The following CALCRL variants were observed in gnomAD, a reference collection of about 807,000 sequenced individuals.
CALCRL encodes calcitonin gene-related peptide type 1 receptor.
Under a neutral mutation model 60.4 loss-of-function variants are expected in CALCRL, and 27 were observed. The ratio of observed to expected loss-of-function variants is 0.45; its 90% CI spans 0.33 to 0.62. The LOEUF (loss-of-function observed/expected upper bound fraction) is 0.62. CALCRL is among the 20% of genes least tolerant of loss of function. CALCRL has a pLI of 0.03. For synonymous variants in CALCRL, 190 were observed against 182.6 expected, an observed-to-expected ratio of 1.04 and a Z score of -0.33; for missense variants, 424 against 540.7, an observed-to-expected ratio of 0.78 and a Z score of 2.14.
At chr2:187,445,639 T>A (rs1410113877) in intron 1 of CALCRL, among the ~76,000 whole-genome samples, 1 of 151,600 alleles carries the variant, frequency 6.6e-6, no homozygotes, top group Non-Finnish European at 1.5e-5. Context: ...AGTGTTTATG[T>A]GTTTATCAAA....
chr2:187,363,277 A>C (rs1267414992), intron 9 of CALCRL, 99 bp downstream of exon 9: 1 of 1,136,872 alleles, frequency 8.8e-7, no homozygotes, highest in Non-Finnish European at 1.2e-6. Context: ...GAAAATATAC[A>C]TATATGTGTA....
rs1370908609 is a variant in CALCRL at position 187,375,260 on chromosome 2, C to G, written c.500+3680G>C. Among the ~76,000 whole-genome samples, 3 of 114,668 alleles carry G rather than the reference C, an allele frequency of 2.6e-5. No homozygotes were observed. The East Asian group carries it at 7.4e-4, about 28-fold the overall frequency. The allele number at this position is 114,668 out of a possible 152,430, so 75.2% of individuals were successfully genotyped here. ...GCAGTCCGCAGTCCGGCCTGGGCGA[C>G]AGAGCGAGACTCCGTCTCAAAAAAA... On this transcript the variant is annotated intron_variant, in intron 8 of 14. Transcript: ENST00000392370.
In CALCRL at chr2:187,346,444, A is replaced by C. The variant is rs749099077; in HGVS notation, c.1171-45T>G. On this transcript the variant is annotated intron_variant, in intron 14 of 14. Transcript: ENST00000392370. ...CAGAAAGAACAAGAACAACCCATTA[A>C]TTGAAATGAAGACACTGTTTTTGAA... is the stretch of plus-strand genomic sequence containing the variant. The C allele has an allele frequency of 7.2e-6, 10 of 1,387,430 alleles. No individual in the cohort carries two copies. In the South Asian group the frequency reaches 1.2e-4, roughly 17 times the overall value. 85.9% of individuals were successfully genotyped at this position (1,387,430 alleles called of 1,614,324 possible).
At chr2:187,406,206 C>T (rs1441232591) in intron 1 of CALCRL, among the ~76,000 whole-genome samples, 1 of 146,756 alleles carries the variant, frequency 6.8e-6, no homozygotes, top group Non-Finnish European at 1.5e-5. Flanking sequence ...AAACACAAAT[C>T]TGATATGTTG....
chr2:187,358,443 A>T (rs1036310884), intron 12 of CALCRL, among the ~76,000 whole-genome samples: 5 of 152,100 alleles, frequency 3.3e-5, no homozygotes, highest in Admixed American at 1.3e-4. Flanking sequence ...TGTCTAATTC[A>T]TGCACTCACA....
chr2:187,361,856 T>C (rs1354603709), intron 9 of CALCRL, among the ~76,000 whole-genome samples: 1 of 151,954 alleles, frequency 6.6e-6, no homozygotes, highest in Non-Finnish European at 1.5e-5. Flanking sequence ...AAAGGATATT[T>C]GTAAAACCTA....
chr2:187,429,238 A>G (rs1180185711), intron 1 of CALCRL, among the ~76,000 whole-genome samples: 1 of 151,828 alleles, frequency 6.6e-6, no homozygotes, highest in Non-Finnish European at 1.5e-5. Flanking sequence ...GTATGATTAC[A>G]TAAATAAAAC....
chr2:187,447,265 A>ACC lies in CALCRL; in HGVS notation c.-293+772_-293+773dup, dbSNP rs57817323. Among the ~76,000 whole-genome samples, 214 of 151,810 alleles carry ACC rather than the reference A, an allele frequency of 1.4e-3. 6 individuals are homozygous for ACC. The East Asian group carries it at 0.038, about 27-fold the overall frequency. ...TTATCCACAGATATCGTGGTATCACACCCCCCTCCAAAAGCTTGCAGAGGG... is the reference window on the plus strand; with the variant it reads ...TTATCCACAGATATCGTGGTATCACACCCCCCCCTCCAAAAGCTTGCAGAGGG... On this transcript the variant is annotated intron_variant, in intron 1 of 14. Transcript: ENST00000392370.
In CALCRL at chr2:187,345,784, C is replaced by G. The variant is rs777166013; in HGVS notation, c.*400G>C. On this transcript the variant is annotated 3_prime_UTR_variant, in exon 15 of 15. Transcript: ENST00000392370. ...ATGTTTATAGACCTTAGCTAGGTCT[C>G]TTGGGGCAATAAGGGTAGAATCATG... 15 of 155,716 alleles carry G rather than the reference C, an allele frequency of 9.6e-5. No individual in the cohort carries two copies. Among genetic ancestry groups the G allele is most frequent in the Non-Finnish European group, 1.8e-4 (13 of 70,766 alleles). 9.6% of individuals were successfully genotyped at this position (155,716 alleles called of 1,614,324 possible). A position where few individuals can be genotyped will look rare whatever the true frequency, so the allele number is the denominator to read the frequency against.
Position 187,367,420 on chromosome 2 carries a change from T to C in CALCRL, c.501-3918A>G, listed in dbSNP as rs537308640. Among the ~76,000 whole-genome samples the C allele has an allele frequency of 2.8e-4, 43 of 152,280 alleles. No homozygotes were observed. In the South Asian group the frequency reaches 8.1e-3, roughly 29 times the overall value. On this transcript the variant is annotated intron_variant, in intron 8 of 14. Coordinates refer to ENST00000392370, the MANE Select transcript of CALCRL (RefSeq NM_005795.6). ...ATGCAGACAGATGCTAAGTAACATA[T>C]GGTTTCTATCAATGTCTAGTGTAAA...
intron 1 of CALCRL, among the ~76,000 whole-genome samples, chr2:187,410,085 C>A (rs925849030): frequency 6.6e-6 from 1 of 152,082 alleles, no homozygotes; most frequent in Non-Finnish European, 1.5e-5. Context: ...CAACAAAAAT[C>A]AGAGAGAAAT....
At chr2:187,371,758 T>C (rs373788536) in intron 8 of CALCRL, among the ~76,000 whole-genome samples, 1 of 151,694 alleles carries the variant, frequency 6.6e-6, no homozygotes, top group Non-Finnish European at 1.5e-5. Context: ...AAAAGATTAA[T>C]CGTGCACAAT....
intron 8 of CALCRL, among the ~76,000 whole-genome samples, chr2:187,365,063 G>A (rs1314968102): frequency 6.6e-6 from 1 of 152,124 alleles, no homozygotes; most frequent in Non-Finnish European, 1.5e-5. Flanking sequence ...TAGAAAAAAA[G>A]AATCTTTGAA....
At chr2:187,373,870 A>ACACT (rs1687634991) in intron 8 of CALCRL, among the ~76,000 whole-genome samples, 1 of 152,198 alleles carries the variant, frequency 6.6e-6, no homozygotes, top group Admixed American at 6.6e-5. Context: ...TGTCTGAAGA[A>ACACT]CACTCTCAGG....
At chr2:187,399,426 T>C (rs1168988396) in intron 1 of CALCRL, among the ~76,000 whole-genome samples, 1 of 151,548 alleles carries the variant, frequency 6.6e-6, no homozygotes, top group East Asian at 1.9e-4. Flanking sequence ...GTAAAATGTT[T>C]GTCACCTCGG....
chr2:187,371,690 C>T (rs191126584), intron 8 of CALCRL, among the ~76,000 whole-genome samples: 1 of 151,684 alleles, frequency 6.6e-6, no homozygotes, highest in African/African-American at 2.4e-5. Flanking sequence ...GAGCCAAGAT[C>T]CCGCCACTGC....
intron 1 of CALCRL, among the ~76,000 whole-genome samples, chr2:187,427,939 C>T (rs1690219022): frequency 6.6e-6 from 1 of 151,984 alleles, no homozygotes; most frequent in African/African-American, 2.4e-5. Flanking sequence ...TGAACCTCTC[C>T]CATATCTGCT....
chr2:187,426,587 A>G (rs1690143765), intron 1 of CALCRL, among the ~76,000 whole-genome samples: 1 of 152,052 alleles, frequency 6.6e-6, no homozygotes, highest in Admixed American at 6.6e-5. Flanking sequence ...TAGAGTGTCC[A>G]CCAGGTCTGG....
chr2:187,369,492 C>T (rs752558716), intron 8 of CALCRL, among the ~76,000 whole-genome samples: 9 of 152,220 alleles, frequency 5.9e-5, no homozygotes, highest in Non-Finnish European at 1.0e-4. Context: ...AGGTAAGTTT[C>T]TCAAGGTTAC....
Sources: allele counts gnomAD v4.1 joint callset (sites outside exome capture counted in the v4.1 genomes callset), GRCh38; gene constraint gnomAD v4.1.1; transcripts MANE v1.5; gene names NCBI Gene and HGNC (gene_info 2026-07-23, HGNC 2026-07-21).